COXFA4L3: variants seen among roughly 807,000 people sequenced by gnomAD.
COXFA4L3 encodes the protein cytochrome c oxidase associated subunit FA4L3.
chr15:45,433,304 T>C, the COXFA4L3 span: 4 of 324,546 alleles, frequency 1.2e-5, no homozygotes, highest in Admixed American at 1.8e-4. Context: ...AATTAGATTT[T>C]CTTTAATAAA....
the COXFA4L3 span, chr15:45,432,918 G>GT: frequency 6.4e-7 from 1 of 1,553,058 alleles, no homozygotes; most frequent in Non-Finnish European, 8.8e-7. Flanking sequence ...TTTAACAAAA[G>GT]GTTTTTTTTT....
the COXFA4L3 span, among the ~76,000 whole-genome samples, chr15:45,432,768 C>G: frequency 6.6e-6 from 1 of 152,128 alleles, no homozygotes; most frequent in East Asian, 1.9e-4. Flanking sequence ...AAAAGATGGA[C>G]TGATAGAAAC....
the COXFA4L3 span, chr15:45,430,802 CT>C: frequency 6.2e-7 from 1 of 1,611,906 alleles, no homozygotes; most frequent in South Asian, 1.1e-5. Context: ...TCATCATGAG[CT>C]TTTTCCAACT....
chr15:45,432,915 A>G, the COXFA4L3 span: 2 of 1,562,452 alleles, frequency 1.3e-6, no homozygotes, highest in Non-Finnish European at 1.7e-6. Context: ...ATTTTTAACA[A>G]AAGGTTTTTT....
chr15:45,430,986 C>G, the COXFA4L3 span: 1 of 1,612,426 alleles, frequency 6.2e-7, no homozygotes, highest in South Asian at 1.1e-5. Context: ...GTCCCCTCCA[C>G]CTGTTATTTG....
the COXFA4L3 span, chr15:45,432,944 T>C: frequency 3.1e-6 from 5 of 1,602,064 alleles, 1 homozygote; most frequent in South Asian, 5.7e-5. Flanking sequence ...TTTTTTCTCT[T>C]CAGCTTATAA....
the COXFA4L3 span, chr15:45,431,014 T>C: frequency 6.2e-7 from 1 of 1,614,064 alleles, no homozygotes; most frequent in Non-Finnish European, 8.5e-7. Flanking sequence ...ATTCCCTTGG[T>C]GGTGTTCATG....
the COXFA4L3 span, among the ~76,000 whole-genome samples, chr15:45,432,430 C>G: frequency 3.9e-5 from 6 of 152,146 alleles, no homozygotes; most frequent in African/African-American, 1.4e-4. Context: ...TTTGGGAGGC[C>G]GAGGCGGGTG....
the COXFA4L3 span, chr15:45,432,919 G>A: frequency 1.2e-6 from 1 of 865,542 alleles, no homozygotes; most frequent in Middle Eastern, 2.8e-4. Context: ...TTAACAAAAG[G>A]TTTTTTTTTT....
At chr15:45,431,863 G>A in the COXFA4L3 span, among the ~76,000 whole-genome samples, 1 of 152,102 alleles carries the variant, frequency 6.6e-6, no homozygotes, top group Admixed American at 6.5e-5. Context: ...TACCCTTTAG[G>A]GGAACTGATG....
chr15:45,432,890 G>A, the COXFA4L3 span: 1 of 1,468,846 alleles, frequency 6.8e-7, no homozygotes, highest in Non-Finnish European at 9.3e-7. Context: ...AGAGGGACAT[G>A]CAAATGAAAG....
At chr15:45,432,236 A>C in the COXFA4L3 span, 1 of 891,780 alleles carries the variant, frequency 1.1e-6, no homozygotes, top group Non-Finnish European at 1.7e-6. Context: ...AACTTAGATC[A>C]ATTGTGCCTT....
At chr15:45,432,235 CAAT>C in the COXFA4L3 span, 1 of 895,518 alleles carries the variant, frequency 1.1e-6, no homozygotes, top group Non-Finnish European at 1.7e-6. Flanking sequence ...TAACTTAGAT[CAAT>C]TGTGCCTTCA....
chr15:45,433,244 TTTTG>T, the COXFA4L3 span: 1 of 482,170 alleles, frequency 2.1e-6, no homozygotes, highest in East Asian at 3.4e-5. Flanking sequence ...ATATTGAAAT[TTTTG>T]TTTATGATCT....
chr15:45,432,931 TC>T, the COXFA4L3 span: 7 of 1,585,680 alleles, frequency 4.4e-6, no homozygotes, highest in African/African-American at 4.1e-5. Context: ...TTTTTTTTTT[TC>T]CTTTTTTCTC....
At chr15:45,430,700 T>A in the COXFA4L3 span, 1 of 1,190,094 alleles carries the variant, frequency 8.4e-7, no homozygotes, top group Non-Finnish European at 1.2e-6. Flanking sequence ...GGCCCGCAGT[T>A]GGCCTGCGGA....
the COXFA4L3 span, chr15:45,430,761 A>C: frequency 1.2e-6 from 2 of 1,601,630 alleles, no homozygotes; most frequent in Non-Finnish European, 8.5e-7. Flanking sequence ...TTGGATTTTT[A>C]ATTTCTAGAT....
At chr15:45,430,837 G>T in the COXFA4L3 span, 5 of 1,607,864 alleles carry the variant, frequency 3.1e-6, 1 homozygote, top group South Asian at 5.5e-5. Context: ...AAGGAAGTAA[G>T]TTTTAAAAAC....
the COXFA4L3 span, chr15:45,431,371 T>G: frequency 3.4e-6 from 1 of 291,922 alleles, no homozygotes. Flanking sequence ...TTGGCCCTTC[T>G]CCACTCTCTG....
Sources: allele counts gnomAD v4.1 joint callset (sites outside exome capture counted in the v4.1 genomes callset), GRCh38; gene constraint gnomAD v4.1.1; transcripts MANE v1.5; gene names NCBI Gene and HGNC (gene_info 2026-07-23, HGNC 2026-07-21).